The following DLGAP2 variants were observed in gnomAD, a reference collection of about 807,000 sequenced individuals.
DLGAP2 encodes the protein DLG associated protein 2.
A neutral mutation model predicts 100.3 loss-of-function variants in DLGAP2; 26 were observed. That is an observed-to-expected ratio of 0.26 (90% CI 0.19 to 0.36). The LOEUF (loss-of-function observed/expected upper bound fraction) is 0.36. DLGAP2 is among the 10% of genes least tolerant of loss of function. The probability of loss-of-function intolerance (pLI) is 1.00; values close to 1 mark genes in which losing one functional copy is unlikely to be tolerated. For synonymous variants in DLGAP2, 886 were observed against 630.1 expected (o/e 1.41, Z -6.08); for missense variants, 1,858 against 1,453.2 (o/e 1.28, Z -4.53).
At chr8:1,025,837 A>G (rs1009939333) in intron 2 of DLGAP2, among the ~76,000 whole-genome samples, 1 of 152,226 alleles carries the variant, frequency 6.6e-6, no homozygotes, top group Non-Finnish European at 1.5e-5. Context: ...AGCTGTGAGC[A>G]TGGTGCCCTG....
chr8:1,101,520 G>A (rs1033038516), intron 2 of DLGAP2, among the ~76,000 whole-genome samples: 3 of 152,158 alleles, frequency 2.0e-5, no homozygotes, highest in African/African-American at 4.8e-5. Context: ...CGGGGGTGCC[G>A]GGGCTGGGGG....
chr8:1,529,423 C>T (rs1236015548), intron 4 of DLGAP2, among the ~76,000 whole-genome samples: 4 of 152,152 alleles, frequency 2.6e-5, no homozygotes, highest in African/African-American at 9.7e-5. Context: ...TCTTTCATGC[C>T]ACAGATTATC....
intron 2 of DLGAP2, among the ~76,000 whole-genome samples, chr8:975,225 A>G (rs1800132816): frequency 6.6e-6 from 1 of 152,222 alleles, no homozygotes; most frequent in South Asian, 2.1e-4. Flanking sequence ...GCCTATATCT[A>G]TTAAAGAAAT....
At chr8:1,588,738 T>TAAAA (rs11358700) in intron 6 of DLGAP2, among the ~76,000 whole-genome samples, 16 of 91,380 alleles carry the variant, frequency 1.8e-4, no homozygotes, top group East Asian at 6.8e-4. Context: ...CTGTCTTTAC[T>TAAAA]AAAAAAAAAA....
intron 3 of DLGAP2, among the ~76,000 whole-genome samples, chr8:1,305,169 G>C (rs1036949719): frequency 6.6e-6 from 1 of 152,202 alleles, no homozygotes; most frequent in African/African-American, 2.4e-5. Context: ...AGTGACCTAA[G>C]CAAGTGACTT....
At chr8:1,556,286 A>C (rs1219686784) in intron 5 of DLGAP2, among the ~76,000 whole-genome samples, 1 of 151,308 alleles carries the variant, frequency 6.6e-6, no homozygotes, top group Non-Finnish European at 1.5e-5. Flanking sequence ...CCCAGGGCAG[A>C]TGAGGCTCTG....
rs1479553115 is a variant in DLGAP2 at position 1,238,697 on chromosome 8, T to C, written c.74-20154T>C. 1.3e-4 allele frequency among the ~76,000 whole-genome samples: 14 copies of C among 106,812 alleles called. No homozygotes were observed. In the East Asian group the frequency reaches 3.4e-3, roughly 26 times the overall value. 70.1% of individuals were successfully genotyped at this position (106,812 alleles called of 152,430 possible). A position where few individuals can be genotyped will look rare whatever the true frequency, so the allele number is the denominator to read the frequency against. ...TCACACATAGCGTCATGTCTAGTTC[T>C]CTCTCACACAGAGCATCATGTCTAG... On this transcript the variant is annotated intron_variant, in intron 2 of 14. Coordinates refer to ENST00000637795, the MANE Select transcript of DLGAP2 (RefSeq NM_001346810.2).
intron 2 of DLGAP2, among the ~76,000 whole-genome samples, chr8:1,025,417 GA>G: frequency 6.6e-6 from 1 of 152,262 alleles, no homozygotes; most frequent in Middle Eastern, 3.4e-3. Context: ...AATAAAATAG[GA>G]TTCTTTCCAG....
At chr8:1,538,504 C>G (rs569609741) in intron 4 of DLGAP2, among the ~76,000 whole-genome samples, 2 of 152,212 alleles carry the variant, frequency 1.3e-5, no homozygotes, top group Non-Finnish European at 2.9e-5. Context: ...AGGGCTCAGA[C>G]TGCATGATAA....
chr8:1,159,982 G>T (rs778641325), intron 2 of DLGAP2, among the ~76,000 whole-genome samples: 1 of 152,142 alleles, frequency 6.6e-6, no homozygotes, highest in Non-Finnish European at 1.5e-5. Flanking sequence ...TGGCGTTGTG[G>T]AGGCGTCTTT....
chr8:1,266,582 C>G (rs1320916243), intron 3 of DLGAP2, among the ~76,000 whole-genome samples: 1 of 152,198 alleles, frequency 6.6e-6, no homozygotes, highest in Non-Finnish European at 1.5e-5. Flanking sequence ...AATCTTGCCC[C>G]TACTGGTCTG....
chr8:1,310,300 C>T (rs1800585248), intron 3 of DLGAP2, among the ~76,000 whole-genome samples: 1 of 152,046 alleles, frequency 6.6e-6, no homozygotes, highest in Non-Finnish European at 1.5e-5. Context: ...ACAGAAGGGT[C>T]AATTCAACAA....
chr8:1,171,771 A>G (rs4535762), intron 2 of DLGAP2, among the ~76,000 whole-genome samples: 55,104 of 151,204 alleles, frequency 0.36, 11,873 homozygotes, highest in Non-Finnish European at 0.48. Flanking sequence ...TTGAGCCTAT[A>G]TGTGTCTCTG....
chr8:927,008 C>T (rs1327084498), intron 2 of DLGAP2: 7 of 985,060 alleles, frequency 7.1e-6, no homozygotes, highest in African/African-American at 1.7e-5. Context: ...GACCCCCCGC[C>T]GAGAAAGAGA....
intron 3 of DLGAP2, among the ~76,000 whole-genome samples, chr8:1,310,291 C>G (rs1193019055): frequency 1.3e-5 from 2 of 151,990 alleles, no homozygotes; most frequent in African/African-American, 2.4e-5. Flanking sequence ...TATATATTGA[C>G]AGAAGGGTCA....
At chr8:993,603 C>G (rs1473743335) in intron 2 of DLGAP2, among the ~76,000 whole-genome samples, 2 of 152,070 alleles carry the variant, frequency 1.3e-5, no homozygotes, top group African/African-American at 4.8e-5. Context: ...TCTCCTATTG[C>G]TGATGCCTGG....
At chr8:1,435,489 T>G (rs1797592042) in intron 3 of DLGAP2, among the ~76,000 whole-genome samples, 1 of 152,096 alleles carries the variant, frequency 6.6e-6, no homozygotes. Flanking sequence ...CTTACCCTGG[T>G]AGAGAAACCC....
chr8:1,388,102 CGTGG>C (rs1796260765), intron 3 of DLGAP2, among the ~76,000 whole-genome samples: 4 of 99,436 alleles, frequency 4.0e-5, no homozygotes, highest in East Asian at 3.5e-4. Flanking sequence ...GAGCAGAGGC[CGTGG>C]ATGGGGAGGC....
intron 1 of DLGAP2, among the ~76,000 whole-genome samples, chr8:807,120 C>T (rs191702981): frequency 2.1e-3 from 327 of 152,378 alleles, no homozygotes; most frequent in Non-Finnish European, 1.2e-3. Context: ...TTTTAACTTG[C>T]TCTGTGTGGA....
Sources: allele counts gnomAD v4.1 joint callset (sites outside exome capture counted in the v4.1 genomes callset), GRCh38; gene constraint gnomAD v4.1.1; transcripts MANE v1.5; gene names NCBI Gene and HGNC (gene_info 2026-07-23, HGNC 2026-07-21).